Variants in RBFOX1 observed in about 807,000 individuals in gnomAD.
RBFOX1 encodes RNA binding protein fox-1 homolog 1.
RBFOX1 carries 8 observed loss-of-function variants against 57.7 expected under a neutral mutation model. The ratio of observed to expected loss-of-function variants is 0.14; its 90% CI spans 0.08 to 0.25. The LOEUF is 0.25. RBFOX1 is among the 10% of genes least tolerant of loss of function. The pLI, the probability that RBFOX1 is intolerant of heterozygous loss-of-function variation, is 1.00. For synonymous variants in RBFOX1, 326 were observed against 222.4 expected, an observed-to-expected ratio of 1.47 and a Z score of -4.15; for missense variants, 611 against 548.5, an observed-to-expected ratio of 1.11 and a Z score of -1.14.
chr16:5,721,224 A>G lies in RBFOX1; in HGVS notation c.318+122263A>G, dbSNP rs538576868. ...ATTCTTTTTGATACTATTATAAAGGAAATTGTGTCCTTAGTTTCATGAGTT... is the reference window on the plus strand; with the variant it reads ...ATTCTTTTTGATACTATTATAAAGGGAATTGTGTCCTTAGTTTCATGAGTT... On this transcript the variant is annotated intron_variant, in intron 3 of 19. Coordinates refer to the RBFOX1 transcript ENST00000641259. Among the ~76,000 whole-genome samples the G allele has an allele frequency of 7.2e-5, 11 of 152,250 alleles. No homozygotes were observed. The South Asian group carries it at 2.3e-3, about 32-fold the overall frequency.
chr16:6,180,899 T>A (rs937844407), intron 1 of RBFOX1, among the ~76,000 whole-genome samples: 15 of 152,114 alleles, frequency 9.9e-5, no homozygotes, highest in African/African-American at 3.6e-4. Context: ...CTGAAAGTTT[T>A]TATATTATCT....
chr16:6,977,387 C>T (rs947216093), intron 3 of RBFOX1, among the ~76,000 whole-genome samples: 2 of 151,990 alleles, frequency 1.3e-5, no homozygotes, highest in Non-Finnish European at 1.5e-5. Flanking sequence ...GATATCTGGA[C>T]ACTCGCAAGT....
chr16:7,482,542 ATTTTTTTTTTTTT>A (rs1178577326), intron 4 of RBFOX1, among the ~76,000 whole-genome samples: 5 of 77,188 alleles, frequency 6.5e-5, no homozygotes, highest in African/African-American at 1.2e-4. Flanking sequence ...ATTGCCTGGG[ATTTTTTTTTTTTT>A]TTTTTTTTTT....
chr16:7,043,031 C>A (rs1419083021), intron 3 of RBFOX1, among the ~76,000 whole-genome samples: 2 of 151,568 alleles, frequency 1.3e-5, no homozygotes, highest in East Asian at 3.9e-4. Context: ...TCCTTCGCTT[C>A]CATCCTCCAC....
intron 3 of RBFOX1, among the ~76,000 whole-genome samples, chr16:5,829,080 T>G (rs748673388): frequency 6.6e-6 from 1 of 152,114 alleles, no homozygotes; most frequent in Non-Finnish European, 1.5e-5. Context: ...TTCTATTCTT[T>G]AGAGGGAAGT....
chr16:7,086,036 C>T (rs759845232), intron 4 of RBFOX1, among the ~76,000 whole-genome samples: 1 of 152,162 alleles, frequency 6.6e-6, no homozygotes, highest in Non-Finnish European at 1.5e-5. Flanking sequence ...TCTGAGATAG[C>T]CAGCTCTGAG....
chr16:6,606,142 A>G (rs1720523533), intron 2 of RBFOX1, among the ~76,000 whole-genome samples: 1 of 152,112 alleles, frequency 6.6e-6, no homozygotes, highest in South Asian at 2.1e-4. Flanking sequence ...ACATCTTATA[A>G]TGCTGAATGT....
At chr16:7,003,391 C>A (rs1213125103) in intron 3 of RBFOX1, among the ~76,000 whole-genome samples, 1 of 150,624 alleles carries the variant, frequency 6.6e-6, no homozygotes, top group Non-Finnish European at 1.5e-5. Context: ...ACCTGGGAGG[C>A]GGAGGTTGCA....
chr16:6,265,091 C>G (rs1418926319), intron 1 of RBFOX1, among the ~76,000 whole-genome samples: 2 of 152,108 alleles, frequency 1.3e-5, no homozygotes, highest in East Asian at 3.9e-4. Flanking sequence ...TCCCTACAAG[C>G]CATTCAACAA....
At chr16:7,483,442 A>G (rs548600100) in intron 4 of RBFOX1, among the ~76,000 whole-genome samples, 2 of 152,222 alleles carry the variant, frequency 1.3e-5, no homozygotes, top group South Asian at 2.1e-4. Context: ...TAAAAATATG[A>G]GGATATTAGA....
At chr16:5,572,389 T>C (rs1020899598) in intron 2 of RBFOX1, among the ~76,000 whole-genome samples, 10 of 152,198 alleles carry the variant, frequency 6.6e-5, no homozygotes, top group African/African-American at 2.2e-4. Flanking sequence ...ACTAACAGTA[T>C]ATTCTGTGGC....
chr16:7,689,991 A>C (rs2076972550), intron 14 of RBFOX1, among the ~76,000 whole-genome samples: 3 of 152,102 alleles, frequency 2.0e-5, no homozygotes, highest in Admixed American at 6.6e-5. Context: ...GGCCAAACAG[A>C]AGCTGCAAAA....
At chr16:5,805,310 T>G (rs1402849161) in intron 3 of RBFOX1, among the ~76,000 whole-genome samples, 1 of 152,214 alleles carries the variant, frequency 6.6e-6, no homozygotes, top group Non-Finnish European at 1.5e-5. Context: ...AGCACTGATT[T>G]ACCAACTCGT....
intron 4 of RBFOX1, among the ~76,000 whole-genome samples, chr16:7,268,624 A>G (rs1199030629): frequency 1.3e-5 from 2 of 152,178 alleles, no homozygotes; most frequent in Non-Finnish European, 2.9e-5. Context: ...TCTTGTGATT[A>G]TTGTAAGTTC....
chr16:5,319,512 C>T (rs114363155), intron 1 of RBFOX1, among the ~76,000 whole-genome samples: 1,965 of 152,290 alleles, frequency 0.013, 43 homozygotes, highest in African/African-American at 0.044. Context: ...CAGGAGCCAT[C>T]TCCAAGAATC....
chr16:6,246,360 G>A (rs1362907279), intron 1 of RBFOX1, among the ~76,000 whole-genome samples: 1 of 152,124 alleles, frequency 6.6e-6, no homozygotes, highest in African/African-American at 2.4e-5. Context: ...GAGTGAGCAG[G>A]CAATTCCAAC....
chr16:7,241,618 T>C (rs1343359924), intron 4 of RBFOX1, among the ~76,000 whole-genome samples: 1 of 152,064 alleles, frequency 6.6e-6, no homozygotes, highest in East Asian at 1.9e-4. Flanking sequence ...GAATTTATAA[T>C]AAAGAAAAAA....
chr16:5,696,367 T>C (rs2050842029), intron 3 of RBFOX1, among the ~76,000 whole-genome samples: 1 of 152,226 alleles, frequency 6.6e-6, no homozygotes, highest in South Asian at 2.1e-4. Flanking sequence ...TTCTGTATAA[T>C]ATCTCCCTGT....
chr16:6,498,295 C>A (rs1036674124), intron 2 of RBFOX1, among the ~76,000 whole-genome samples: 2 of 151,180 alleles, frequency 1.3e-5, no homozygotes, highest in African/African-American at 2.4e-5. Flanking sequence ...GATAGCTATT[C>A]CTAGGTTGAT....
Sources: allele counts gnomAD v4.1 joint callset (sites outside exome capture counted in the v4.1 genomes callset), GRCh38; gene constraint gnomAD v4.1.1; transcripts MANE v1.5; gene names NCBI Gene and HGNC (gene_info 2026-07-23, HGNC 2026-07-21).